Variants in SLC39A3 observed in about 807,000 individuals in gnomAD.
SLC39A3 encodes solute carrier family 39 member 3, also known as zinc transporter ZIP3.
Under a neutral mutation model 5.1 loss-of-function variants are expected in SLC39A3, and 3 were observed. The observed-to-expected ratio is 0.59, with a 90% confidence interval of 0.27 to 1.54. The LOEUF (loss-of-function observed/expected upper bound fraction) is 1.54, where lower values mean the gene tolerates loss of function less well. SLC39A3 is among the 40% of genes most tolerant of loss of function. The probability of loss-of-function intolerance (pLI) is 0.12; values close to 1 mark genes in which losing one functional copy is unlikely to be tolerated. For missense variants in SLC39A3, 412 were observed against 436.4 expected (o/e 0.94, Z 0.50); for synonymous variants, 250 against 218.8 (o/e 1.14, Z -1.26).
intron 1 of SLC39A3, 155 bp from the exon 2 acceptor site, chr19:2,737,534 T>C (rs1280874994): frequency 1.1e-5 from 5 of 436,668 alleles, no homozygotes; most frequent in African/African-American, 2.0e-5. Flanking sequence ...TCCTGCCTAG[T>C]AGCTGGGATT....
Position 2,735,833 on chromosome 19 carries a change from C to T in SLC39A3, c.210+1215G>A, listed in dbSNP as rs1005151980. On this transcript the variant is annotated intron_variant, in intron 2 of 2. Transcript: ENST00000269740. This position sits in a 1 kb window ranked among gnomAD's most constrained non-coding sequence, Gnocchi z 5.7. The stretch of plus-strand genomic sequence containing the variant: ...CACCCTGGAACTCTACTCTGCCACA[C>T]TAACAGGCTCAGATGATTTAATCCC... 21 of 985,402 alleles carry T rather than the reference C, an allele frequency of 2.1e-5. No individual in the cohort carries two copies. The highest frequency in any genetic ancestry group is 2.5e-5 in the Non-Finnish European group (21 of 830,002). 61.0% of individuals were successfully genotyped at this position (985,402 alleles called of 1,614,324 possible).
intron 1 of SLC39A3, among the ~76,000 whole-genome samples, chr19:2,738,848 A>G (rs998957944): frequency 2.0e-5 from 3 of 152,022 alleles, no homozygotes; most frequent in South Asian, 4.2e-4. Context: ...GAGGCAGGAG[A>G]ATCACTTGAA....
In SLC39A3 at chr19:2,734,686, G is replaced by A. The variant is rs1555709460; in HGVS notation, c.211-1201C>T. 3 of 971,040 alleles carry A rather than the reference G, an allele frequency of 3.1e-6. No individual in the cohort carries two copies. The highest frequency in any genetic ancestry group is 4.8e-5 in the South Asian group (1 of 21,012). The allele number at this position is 971,040 out of a possible 1,614,324, so 60.2% of individuals were successfully genotyped here. A position where few individuals can be genotyped will look rare whatever the true frequency, so the allele number is the denominator to read the frequency against. ...CTCCAGGCCAGGAGCACCCCCCATC[G>A]TGACAACCACAATGTCCCCAGGCAT... is the stretch of plus-strand genomic sequence containing the variant. On this transcript the variant is annotated intron_variant, in intron 2 of 2. Coordinates refer to ENST00000269740, the MANE Select transcript of SLC39A3 (RefSeq NM_144564.5). This position sits in a 1 kb window ranked among gnomAD's most constrained non-coding sequence, Gnocchi z 4.6.
chr19:2,733,468 G>A lies in SLC39A3; in HGVS notation c.228C>T (p.Ser76=). 1 of 1,610,484 alleles carries A rather than the reference G, an allele frequency of 6.2e-7. No homozygotes were observed. The change falls in exon 3 of 3, where the codon AGC becomes AGT. Residue 76 remains serine, a synonymous_variant. Coordinates refer to ENST00000269740, the MANE Select transcript of SLC39A3 (RefSeq NM_144564.5). The surrounding 1 kb of genome is among the most constrained non-coding windows in gnomAD (Gnocchi z 6.1). ...AVREKLQKVL[S]LGHISTDYPL... ...GGTAGTCGGTGCTGATGTGGCCGAG[G>A]CTCAGGACCTTCTGGAGCTGCAGCC...
chr19:2,734,683 A>T lies in SLC39A3; in HGVS notation c.211-1198T>A. ...CCACTCCAGGCCAGGAGCACCCCCC[A>T]TCGTGACAACCACAATGTCCCCAGG... On this transcript the variant is annotated intron_variant, in intron 2 of 2. Transcript: ENST00000269740. This position sits in a 1 kb window ranked among gnomAD's most constrained non-coding sequence, Gnocchi z 4.6. 4 of 966,118 alleles carry T rather than the reference A, an allele frequency of 4.1e-6. No individual in the cohort carries two copies. The highest frequency in any genetic ancestry group is 4.9e-6 in the Non-Finnish European group (4 of 812,462). The allele number at this position is 966,118 out of a possible 1,614,324, so 59.8% of individuals were successfully genotyped here.
rs1286141628 is a variant in SLC39A3 at position 2,733,350 on chromosome 19, T to C, written c.346A>G (p.Ile116Val). The C allele has an allele frequency of 5.0e-6, 8 of 1,613,116 alleles. No homozygotes were observed. Among genetic ancestry groups the C allele is most frequent in the African/African-American group, 1.3e-5 (1 of 74,932 alleles). ...CCGGCGTTGAAGGTCTCCAGGTCGA[T>C]GAAGGACGGCTTCTCCTTGCGGAAG... ...LTFRKEKPSF[I>V]DLETFNAGSD... The change falls in exon 3 of 3, where the codon ATC becomes GTC. Residue 116 changes from isoleucine (I) to valine (V), a missense_variant. Ile to Val is a conservative substitution (Grantham distance 29). Coordinates refer to ENST00000269740, the MANE Select transcript of SLC39A3 (RefSeq NM_144564.5). This position sits in a 1 kb window ranked among gnomAD's most constrained non-coding sequence, Gnocchi z 6.1.
Position 2,732,582 on chromosome 19 carries a change from C to T in SLC39A3, c.*169G>A. The T allele has an allele frequency of 1.4e-6, 2 of 1,426,758 alleles. No homozygotes were observed. Among genetic ancestry groups the T allele is most frequent in the Non-Finnish European group, 1.8e-6 (2 of 1,094,834 alleles). The allele number at this position is 1,426,758 out of a possible 1,614,324, so 88.4% of individuals were successfully genotyped here. On this transcript the variant is annotated 3_prime_UTR_variant, in exon 3 of 3. Transcript: ENST00000269740. ...TAAAAAGTAGCAGTGCTCTGAGGCT[C>T]AGGGTGTAGGATCGGGGGCACAGCC...
intron 2 of SLC39A3, chr19:2,736,286 A>G: frequency 9.8e-6 from 7 of 715,654 alleles, no homozygotes; most frequent in Non-Finnish European, 1.2e-5. Flanking sequence ...ACTTGCTTCT[A>G]ACCAGCAGGA....
In SLC39A3 at chr19:2,733,926, G is replaced by A. The variant is rs1389602333; in HGVS notation, c.211-441C>T. Among the ~76,000 whole-genome samples, 8 of 152,222 alleles carry A rather than the reference G, an allele frequency of 5.3e-5. No homozygotes were observed. Among genetic ancestry groups the A allele is most frequent in the Non-Finnish European group, 1.0e-4 (7 of 68,046 alleles). ...ACTGCACTCCAGCCTGGGCGACAGA[G>A]GGAGACTCCGGCTCAAAATAAACAC... On this transcript the variant is annotated intron_variant, in intron 2 of 2. Transcript: ENST00000269740. This position sits in a 1 kb window ranked among gnomAD's most constrained non-coding sequence, Gnocchi z 6.1.
Position 2,733,094 on chromosome 19 carries a change from A to G in SLC39A3, c.602T>C (p.Phe201Ser), listed in dbSNP as rs761742022. Reference protein sequence around the residue: ...QEEGEKVVSLFVGVAVHETLV... With the variant: ...QEEGEKVVSLSVGVAVHETLV... ...TGTCTCGTGGACGGCCACCCCCACG[A>G]ACAGGCTCACCACTTTCTCCCCCTC... Residue 201 changes from phenylalanine to serine, a missense_variant, in exon 3 of 3, where the codon TTC becomes TCC. Phe to Ser is a radical substitution (Grantham distance 155). Transcript: ENST00000269740. The surrounding 1 kb of genome is among the most constrained non-coding windows in gnomAD (Gnocchi z 6.1). The G allele has an allele frequency of 1.5e-5, 24 of 1,610,804 alleles. No individual in the cohort carries two copies. The highest frequency in any genetic ancestry group is 6.7e-5 in the Admixed American group (4 of 59,906).
chr19:2,739,560 A>G (rs554297719), intron 1 of SLC39A3: 1 of 152,266 alleles, frequency 6.6e-6, no homozygotes, highest in South Asian at 2.1e-4. Context: ...ATTTTAAGTC[A>G]TTTAAAGTCG....
chr19:2,739,096 T>C (rs1311453789), intron 1 of SLC39A3, among the ~76,000 whole-genome samples: 2 of 86,092 alleles, frequency 2.3e-5, no homozygotes, highest in Admixed American at 1.5e-4. Flanking sequence ...CAAGACTCCG[T>C]CTCAAAAAAA....
In SLC39A3 at chr19:2,732,992, G is replaced by A. The variant is rs764150824; in HGVS notation, c.704C>T (p.Thr235Ile). ...PLRDAAKLAV[T>I]VSAMIPLGIG... ...GCCCAGGGGGATCATGGCGCTTACG[G>A]TGACCGCCAGCTTGGCCGCGTCCCG... Residue 235 changes from threonine (T) to isoleucine (I), a missense_variant, in exon 3 of 3, where the codon ACC becomes ATC. By Grantham distance (89) the Thr-to-Ile change is moderately conservative. Coordinates refer to ENST00000269740, the MANE Select transcript of SLC39A3 (RefSeq NM_144564.5). 2.8e-5 allele frequency: 45 copies of A among 1,598,222 alleles called. No individual in the cohort carries two copies. Among genetic ancestry groups the A allele is most frequent in the Middle Eastern group, 1.7e-4 (1 of 6,012 alleles).
In SLC39A3 at chr19:2,733,646, A is replaced by ACAC. The variant is rs1377747344; in HGVS notation, c.211-164_211-162dup. ...GGAAGGGCTCGCCTGTGATGAATTA[A>ACAC]CACCACCACCACCAGCCAAGCGCGG... On this transcript the variant is annotated intron_variant, in intron 2 of 2. Coordinates refer to ENST00000269740, the MANE Select transcript of SLC39A3 (RefSeq NM_144564.5). The surrounding 1 kb of genome is among the most constrained non-coding windows in gnomAD (Gnocchi z 6.1). Among the ~76,000 whole-genome samples, 1 of 152,132 alleles carries ACAC rather than the reference A, an allele frequency of 6.6e-6. No individual in the cohort carries two copies. Among genetic ancestry groups the ACAC allele is most frequent in the East Asian group, 1.9e-4 (1 of 5,192 alleles).
Position 2,735,265 on chromosome 19 carries a change from G to C in SLC39A3, c.211-1780C>G. On this transcript the variant is annotated intron_variant, in intron 2 of 2. Transcript: ENST00000269740. This position sits in a 1 kb window ranked among gnomAD's most constrained non-coding sequence, Gnocchi z 5.7. ...AGTCTTCACACACCGCGTAACGAAC[G>C]AATGCAGACTCAGCCACGCGGAACA... 7.2e-6 allele frequency: 7 copies of C among 967,368 alleles called. No individual in the cohort carries two copies. The highest frequency in any genetic ancestry group is 8.6e-6 in the Non-Finnish European group (7 of 813,540). The allele number at this position is 967,368 out of a possible 1,614,324, so 59.9% of individuals were successfully genotyped here.
In SLC39A3 at chr19:2,734,769, CTG is replaced by C. The variant is rs1431529326; in HGVS notation, c.211-1286_211-1285del. The C allele has an allele frequency of 8.1e-6, 8 of 985,496 alleles. No individual in the cohort carries two copies. Among genetic ancestry groups the C allele is most frequent in the Admixed American group, 6.1e-5 (1 of 16,286 alleles). The allele number at this position is 985,496 out of a possible 1,614,324, so 61.0% of individuals were successfully genotyped here. A position where few individuals can be genotyped will look rare whatever the true frequency, so the allele number is the denominator to read the frequency against. On this transcript the variant is annotated intron_variant, in intron 2 of 2. Coordinates refer to ENST00000269740, the MANE Select transcript of SLC39A3 (RefSeq NM_144564.5). This position sits in a 1 kb window ranked among gnomAD's most constrained non-coding sequence, Gnocchi z 4.6. ...GGTGAGCCTCTGCTGCAGCAGAAGG[CTG>C]TGTTTCCACGGAGAAGCCACTTAAC...
chr19:2,737,326 G>A lies in SLC39A3; in HGVS notation c.-69C>T, dbSNP rs1002341601. 29 of 1,516,786 alleles carry A rather than the reference G, an allele frequency of 1.9e-5. No homozygotes were observed. The highest frequency in any genetic ancestry group is 1.8e-4 in the Admixed American group (9 of 49,500). 94.0% of individuals were successfully genotyped at this position (1,516,786 alleles called of 1,614,324 possible). Reference sequence around the variant, plus strand: ...CTGTGGGCGCACACCCAAGTCCCACGATGTGCTACCGAGCCCAACCACACA... The same window carrying A: ...CTGTGGGCGCACACCCAAGTCCCACAATGTGCTACCGAGCCCAACCACACA... On this transcript the variant is annotated 5_prime_UTR_variant, in exon 2 of 3. Coordinates refer to ENST00000269740, the MANE Select transcript of SLC39A3 (RefSeq NM_144564.5).
chr19:2,739,201 C>G (rs567700348), intron 1 of SLC39A3, among the ~76,000 whole-genome samples: 2 of 150,994 alleles, frequency 1.3e-5, no homozygotes, highest in Non-Finnish European at 2.9e-5. Context: ...TGCTGCAGAA[C>G]AGATACTCAA....
At chr19:2,739,341 G>A (rs1914477752) in intron 1 of SLC39A3, 1 of 152,046 alleles carries the variant, frequency 6.6e-6, no homozygotes, top group African/African-American at 2.4e-5. Flanking sequence ...GTTCTTAGGA[G>A]GAATCTCAGC....
Sources: allele counts gnomAD v4.1 joint callset (sites outside exome capture counted in the v4.1 genomes callset), GRCh38; gene constraint gnomAD v4.1.1; non-coding constraint Gnocchi (gnomAD v3.1); transcripts MANE v1.5; gene names NCBI Gene and HGNC (gene_info 2026-07-23, HGNC 2026-07-21).